Variants in MDGA2 observed in about 807,000 individuals in gnomAD.
The protein encoded by MDGA2 is MAM domain-containing glycosylphosphatidylinositol anchor protein 2.
In MDGA2, 40 loss-of-function variants were observed where a neutral mutation model predicts 117.8. The observed-to-expected ratio is 0.34, with a 90% CI of 0.26 to 0.44. MDGA2 has a LOEUF of 0.44. Among genes scored for constraint, MDGA2 ranks in the 20% least tolerant of loss-of-function variants. MDGA2 has a pLI of 1.00. For synonymous variants in MDGA2, 452 were observed against 439.0 expected, an observed-to-expected ratio of 1.03 and a Z score of -0.37; for missense variants, 1,123 against 1,250.6, an observed-to-expected ratio of 0.90 and a Z score of 1.54.
chr14:47,499,430 A>G (rs1594888264), intron 1 of MDGA2, among the ~76,000 whole-genome samples: 1 of 152,174 alleles, frequency 6.6e-6, no homozygotes, highest in Non-Finnish European at 1.5e-5. Context: ...TTGATACAGA[A>G]TTAAAATTTA....
chr14:46,868,466 A>C (rs553346599), intron 14 of MDGA2, among the ~76,000 whole-genome samples: 2 of 151,976 alleles, frequency 1.3e-5, no homozygotes, highest in South Asian at 4.1e-4. Flanking sequence ...CTTCAGGCAC[A>C]AGAGAGCTTT....
At chr14:47,387,890 A>G (rs1199327846) in intron 1 of MDGA2, among the ~76,000 whole-genome samples, 1 of 152,202 alleles carries the variant, frequency 6.6e-6, no homozygotes, top group Non-Finnish European at 1.5e-5. Context: ...GATGGGTCAG[A>G]CAAGCACAGC....
rs547919719 is a variant in MDGA2, at chr14:46,964,816, A to G, written c.1820-7173T>C. 1.4e-4 allele frequency among the ~76,000 whole-genome samples: 21 copies of G among 147,672 alleles called. No individual in the cohort carries two copies. In the East Asian group the frequency reaches 2.6e-3, roughly 18 times the overall value. ...TAGCAAAGTTAACGTGTTTGTAGCT[A>G]TTTTTTTTCTTCTTACAAAAGGAGA... On this transcript the variant is annotated intron_variant, in intron 8 of 16. Coordinates refer to ENST00000399232, the MANE Select transcript of MDGA2 (RefSeq NM_001113498.3).
At chr14:47,646,281 T>C (rs746611532) in intron 1 of MDGA2, among the ~76,000 whole-genome samples, 3 of 152,060 alleles carry the variant, frequency 2.0e-5, no homozygotes, top group Non-Finnish European at 4.4e-5. Context: ...CAAGAATCCA[T>C]ACAATTACTT....
intron 8 of MDGA2, among the ~76,000 whole-genome samples, chr14:46,979,282 C>T (rs1422023527): frequency 6.6e-6 from 1 of 152,022 alleles, no homozygotes; most frequent in Non-Finnish European, 1.5e-5. Context: ...GCTGCTTCCC[C>T]GTCTCTCATA....
intron 2 of MDGA2, among the ~76,000 whole-genome samples, chr14:47,252,346 TTTAA>T (rs1887475289): frequency 6.6e-6 from 1 of 152,178 alleles, no homozygotes; most frequent in African/African-American, 2.4e-5. Flanking sequence ...TTGTGATATA[TTTAA>T]TTGTGACAGC....
intron 1 of MDGA2, among the ~76,000 whole-genome samples, chr14:47,635,731 A>G (rs565411210): frequency 6.6e-6 from 1 of 152,298 alleles, no homozygotes; most frequent in African/African-American, 2.4e-5. Context: ...TTAAAATCAG[A>G]AGTGTGAATG....
chr14:47,419,735 A>G (rs1351131918), intron 1 of MDGA2, among the ~76,000 whole-genome samples: 1 of 152,044 alleles, frequency 6.6e-6, no homozygotes, highest in Non-Finnish European at 1.5e-5. Flanking sequence ...TTATTGTTAT[A>G]AATATACTGC....
intron 1 of MDGA2, among the ~76,000 whole-genome samples, chr14:47,506,145 T>C (rs1247412038): frequency 6.6e-6 from 1 of 152,140 alleles, no homozygotes; most frequent in African/African-American, 2.4e-5. Flanking sequence ...ATAAAGAAAG[T>C]AATTTTTTGA....
chr14:46,954,852 C>T (rs1471679101), intron 9 of MDGA2, among the ~76,000 whole-genome samples: 1 of 152,016 alleles, frequency 6.6e-6, no homozygotes, highest in East Asian at 1.9e-4. Flanking sequence ...ATCCTTTTAC[C>T]CTCTCTGTAT....
rs536123997 is a variant in MDGA2 at position 47,611,551 on chromosome 14, A to G, written c.280+62966T>C. Among the ~76,000 whole-genome samples, 43 of 152,232 alleles carry G rather than the reference A, an allele frequency of 2.8e-4. 1 individual carries two copies. The South Asian group carries it at 8.7e-3, about 31-fold the overall frequency. On this transcript the variant is annotated intron_variant, in intron 1 of 16. Transcript: ENST00000399232. Reference sequence around the variant, plus strand: ...CCTATCGAAAAGTTGGCTAAGGACAAGAAGAGACAATTCTCAAAAGAAGAT... The same window carrying G: ...CCTATCGAAAAGTTGGCTAAGGACAGGAAGAGACAATTCTCAAAAGAAGAT...
chr14:47,361,909 G>C (rs1368396884), intron 1 of MDGA2, among the ~76,000 whole-genome samples: 1 of 152,142 alleles, frequency 6.6e-6, no homozygotes, highest in Non-Finnish European at 1.5e-5. Context: ...TCTTCATTCT[G>C]TGTTACTATC....
intron 1 of MDGA2, among the ~76,000 whole-genome samples, chr14:47,613,790 A>G (rs1896897840): frequency 6.6e-6 from 1 of 152,120 alleles, no homozygotes; most frequent in Non-Finnish European, 1.5e-5. Flanking sequence ...TTCATGTCAC[A>G]CTAAAAATAA....
intron 7 of MDGA2, among the ~76,000 whole-genome samples, chr14:47,047,307 T>G (rs1243932702): frequency 6.6e-6 from 1 of 152,100 alleles, no homozygotes. Flanking sequence ...TGTGTAACCT[T>G]GGCAAAGGGA....
At chr14:47,648,510 G>T (rs887188380) in intron 1 of MDGA2, among the ~76,000 whole-genome samples, 1 of 151,914 alleles carries the variant, frequency 6.6e-6, no homozygotes, top group Admixed American at 6.6e-5. Flanking sequence ...ATAATGATTT[G>T]CTCAAAGAAC....
intron 5 of MDGA2, among the ~76,000 whole-genome samples, chr14:47,126,704 A>G (rs944362416): frequency 6.6e-6 from 1 of 152,134 alleles, no homozygotes. Flanking sequence ...AACAAGGACT[A>G]CATATTATTA....
intron 2 of MDGA2, among the ~76,000 whole-genome samples, chr14:47,260,921 T>C (rs1408017039): frequency 6.6e-6 from 1 of 152,056 alleles, no homozygotes. Flanking sequence ...AAGAGACAGA[T>C]TATATTTGGC....
At chr14:47,125,635 A>C (rs1262518474) in intron 5 of MDGA2, among the ~76,000 whole-genome samples, 1 of 151,992 alleles carries the variant, frequency 6.6e-6, no homozygotes, top group African/African-American at 2.4e-5. Context: ...GAGGGAGGAG[A>C]AAGATAAATA....
At chr14:47,200,129 A>G (rs1885436421) in intron 3 of MDGA2, among the ~76,000 whole-genome samples, 1 of 152,022 alleles carries the variant, frequency 6.6e-6, no homozygotes. Flanking sequence ...TGTATGTTGT[A>G]TATATGTGTT....
Sources: gnomAD v4.1 joint callset for allele counts (sites outside exome capture counted in the v4.1 genomes callset) on GRCh38, gnomAD v4.1.1 for gene constraint, MANE v1.5 for transcripts, NCBI Gene and HGNC (gene_info 2026-07-23, HGNC 2026-07-21) for gene names.